Variants in USP50 observed in about 807,000 individuals in gnomAD.
USP50 encodes the protein ubiquitin specific peptidase 50, also known as ubiquitin carboxyl-terminal hydrolase 50.
A neutral mutation model predicts 39.2 loss-of-function variants in USP50; 37 were observed. The ratio of observed to expected loss-of-function variants is 0.94; its 90% CI spans 0.73 to 1.24. The LOEUF (loss-of-function observed/expected upper bound fraction) is 1.24, where lower values mean the gene tolerates loss of function less well. Ranked by LOEUF, USP50 falls within the 50% of genes most tolerant of loss-of-function variation. USP50 has a pLI of 0.00. For synonymous variants in USP50, 139 were observed against 144.5 expected, an observed-to-expected ratio of 0.96 and a Z score of 0.27; for missense variants, 374 against 398.2, an observed-to-expected ratio of 0.94 and a Z score of 0.52.
At chr15:50,520,789 A>C (rs1219326073) in intron 6 of USP50, among the ~76,000 whole-genome samples, 1 of 152,290 alleles carries the variant, frequency 6.6e-6, no homozygotes, top group Non-Finnish European at 1.5e-5. Flanking sequence ...AGTTCATCTC[A>C]TGGAGGTAAA....
chr15:50,497,568 C>G (rs1381202325), downstream of USP50: 1 of 172,508 alleles, frequency 5.8e-6, no homozygotes, highest in Non-Finnish European at 1.2e-5. Context: ...TAAAGCATAA[C>G]AGACTTAGTT....
intron 6 of USP50, chr15:50,501,176 C>G: frequency 4.2e-6 from 1 of 236,232 alleles, no homozygotes; most frequent in Non-Finnish European, 8.6e-6. Context: ...GAAGATAATT[C>G]AGGCCGGGCA....
chr15:50,541,278 C>G lies in USP50; in HGVS notation c.445-14G>C, dbSNP rs766785673. 1.5e-5 allele frequency: 24 copies of G among 1,590,840 alleles called. 1 individual carries two copies. In the East Asian group the frequency reaches 4.3e-4, roughly 28 times the overall value. On this transcript the variant is annotated splice_polypyrimidine_tract_variant and intron_variant, in intron 3 of 6. Transcript: ENST00000532404. ...GGAGTAGTGGTACTGAATCAAGGAG[C>G]AAATTTCACCCAAATTAATTATTGG... is the stretch of plus-strand genomic sequence containing the variant.
At chr15:50,518,228 T>C (rs562928866) in intron 6 of USP50, among the ~76,000 whole-genome samples, 1 of 37,942 alleles carries the variant, frequency 2.6e-5, no homozygotes. Flanking sequence ...TCTTTTTTTG[T>C]TTTTTTTTTT....
chr15:50,516,028 G>A (rs2052800996), intron 6 of USP50, among the ~76,000 whole-genome samples: 1 of 152,178 alleles, frequency 6.6e-6, no homozygotes, highest in South Asian at 2.1e-4. Context: ...TTGAGGGGGA[G>A]TAAAAGTATA....
intron 6 of USP50, chr15:50,501,201 T>C: frequency 5.0e-6 from 1 of 200,056 alleles, no homozygotes; most frequent in Non-Finnish European, 1.0e-5. Context: ...GGCTCACACC[T>C]GTAATCCCAA....
At chr15:50,525,123 G>A (rs1400222714) in intron 6 of USP50, among the ~76,000 whole-genome samples, 1 of 152,180 alleles carries the variant, frequency 6.6e-6, no homozygotes, top group Non-Finnish European at 1.5e-5. Flanking sequence ...ATTTGCAACA[G>A]CATGGGTGGA....
intron 6 of USP50, among the ~76,000 whole-genome samples, chr15:50,514,853 G>A (rs528916070): frequency 1.3e-5 from 2 of 151,806 alleles, no homozygotes; most frequent in African/African-American, 4.8e-5. Flanking sequence ...AAAATTAGCT[G>A]GGCATGATGG....
rs538961652 is a variant in USP50, at chr15:50,529,927, A to C, written c.806T>G (p.Phe269Cys). Residue 269 changes from phenylalanine (F) to cysteine (C), a missense_variant and splice_region_variant, in exon 6 of 7, where the codon TTT (phenylalanine) becomes TGT (cysteine). Physicochemically the swap from Phe to Cys is radical, Grantham distance 205 (BLOSUM62 -2). Transcript: ENST00000532404. ...PKIIIFHLKR[F>C]DIQGTTKRKL... ...CCTTTTTGTTGTACCCTGAATGTCA[A>C]ACCTGCAGGTATAATAAATGTGTGA... 11 of 1,613,708 alleles carry C rather than the reference A, an allele frequency of 6.8e-6. No homozygotes were observed. The East Asian group carries it at 2.5e-4, about 36-fold the overall frequency.
chr15:50,515,325 T>C (rs1315641217), intron 6 of USP50, among the ~76,000 whole-genome samples: 1 of 152,156 alleles, frequency 6.6e-6, no homozygotes, highest in Non-Finnish European at 1.5e-5. Context: ...CACTGCAACC[T>C]CTGCCTCCCG....
At chr15:50,536,678 A>C (rs2052983033) in intron 5 of USP50, among the ~76,000 whole-genome samples, 1 of 152,202 alleles carries the variant, frequency 6.6e-6, no homozygotes, top group Non-Finnish European at 1.5e-5. Context: ...AATTAAAAAA[A>C]AACACAATAC....
chr15:50,493,411 C>T (rs150860422), downstream of USP50: 224 of 519,116 alleles, frequency 4.3e-4, 2 homozygotes, highest in East Asian at 0.01. Flanking sequence ...ACTTACCACT[C>T]AGCTCCAGAA....
downstream of USP50, chr15:50,500,545 A>G (rs2052564519): frequency 2.1e-6 from 1 of 468,870 alleles, no homozygotes; most frequent in Non-Finnish European, 3.9e-6. Flanking sequence ...AAGGCATAAA[A>G]ATGTTAATGA....
At position 50,500,674 on chromosome 15, in the gene USP50, A is replaced by G; in HGVS notation, c.*95T>C. 3 of 1,224,372 alleles carry G rather than the reference A, an allele frequency of 2.5e-6. No individual in the cohort carries two copies. Among genetic ancestry groups the G allele is most frequent in the Non-Finnish European group, 3.5e-6 (3 of 854,470 alleles). 75.8% of individuals were successfully genotyped at this position (1,224,372 alleles called of 1,614,324 possible). ...TGGCTCTTAACGCTTTTGTATTGGT[A>G]TGGAAAAGGGCTGGCAGCTATAGAA... On this transcript the variant is annotated 3_prime_UTR_variant, in exon 7 of 7. Transcript: ENST00000532404.
chr15:50,496,165 C>A (rs533884138), downstream of USP50: 82 of 1,170,992 alleles, frequency 7.0e-5, 1 homozygote, highest in Admixed American at 1.4e-4. Context: ...AATTTCTGGT[C>A]TTTACCCTTA....
intron 6 of USP50, among the ~76,000 whole-genome samples, chr15:50,523,488 T>C (rs2052867053): frequency 6.6e-6 from 1 of 152,050 alleles, no homozygotes; most frequent in Non-Finnish European, 1.5e-5. Context: ...GGCATTTCTA[T>C]ACATTACTGA....
chr15:50,525,169 C>T (rs2052878604), intron 6 of USP50, among the ~76,000 whole-genome samples: 2 of 152,100 alleles, frequency 1.3e-5, no homozygotes, highest in Admixed American at 1.3e-4. Context: ...ATAAGCCAGG[C>T]ACAGAAAGAC....
Position 50,544,755 on chromosome 15 carries a change from G to T in USP50, c.80C>A (p.Thr27Asn), listed in dbSNP as rs2053058768. ...CCCATCAGCCTCCTTAACTGGAAGG[G>T]TATCATAGTAATCTGTGCACTCTGC... ...VLAECTDYYD[T>N]LPVKEADGNQ... The change falls in exon 2 of 7, where the codon ACC becomes AAC. Residue 27 changes from threonine to asparagine, a missense_variant. Transcript: ENST00000532404. 1.2e-6 allele frequency: 2 copies of T among 1,613,994 alleles called. No individual in the cohort carries two copies. Among genetic ancestry groups the T allele is most frequent in the Non-Finnish European group, 1.7e-6 (2 of 1,179,888 alleles).
At chr15:50,525,160 T>A (rs1194553198) in intron 6 of USP50, among the ~76,000 whole-genome samples, 1 of 152,146 alleles carries the variant, frequency 6.6e-6, no homozygotes, top group Non-Finnish European at 1.5e-5. Flanking sequence ...CTAAGTGAAA[T>A]AAGCCAGGCA....
Sources: gnomAD v4.1 joint callset for allele counts (sites outside exome capture counted in the v4.1 genomes callset) on GRCh38, gnomAD v4.1.1 for gene constraint, MANE v1.5 for transcripts, NCBI Gene and HGNC (gene_info 2026-07-23, HGNC 2026-07-21) for gene names.